Variants in BCAT2 observed in about 807,000 individuals in gnomAD.
BCAT2 encodes the protein branched chain amino acid transaminase 2.
A neutral mutation model predicts 52.9 loss-of-function variants in BCAT2; 44 were observed. The observed-to-expected ratio is 0.83, with a 90% CI of 0.65 to 1.07. The LOEUF is 1.07. Among genes scored for constraint, BCAT2 ranks in the 50% least tolerant of loss-of-function variants. The pLI is 0.00. For missense variants in BCAT2, 478 were observed against 521.8 expected (o/e 0.92, Z 0.82); for synonymous variants, 215 against 217.1 (o/e 0.99, Z 0.08).
At position 48,809,066 on chromosome 19, in the gene BCAT2, C is replaced by CAAAAAAAA. The variant is rs3057799; in HGVS notation, c.24+1910_24+1917dup. 1.2e-3 allele frequency among the ~76,000 whole-genome samples: 36 copies of CAAAAAAAA among 28,964 alleles called. 11 individuals are homozygous for CAAAAAAAA. Among genetic ancestry groups the CAAAAAAAA allele is most frequent in the Admixed American group, 9.0e-3 (13 of 1,452 alleles). The allele number at this position is 28,964 out of a possible 152,430, so 19.0% of individuals were successfully genotyped here. ...CCAGCATGAGTGATAGAGTGTCTCT[C>CAAAAAAAA]AAAAAAAAAAAAAAAAAAAAAAAAA... On this transcript the variant is annotated intron_variant, in intron 1 of 10. Coordinates refer to ENST00000316273, the MANE Select transcript of BCAT2 (RefSeq NM_001190.4).
intron 3 of BCAT2, among the ~76,000 whole-genome samples, chr19:48,803,662 A>G (rs1268764180): frequency 6.6e-6 from 1 of 152,108 alleles, no homozygotes; most frequent in African/African-American, 2.4e-5. Context: ...AGCCTGGGTA[A>G]CATGGTGAAA....
At chr19:48,796,807 A>G in intron 8 of BCAT2, 89 bp from the exon 9 acceptor site, 2 of 1,590,496 alleles carry the variant, frequency 1.3e-6, no homozygotes, top group Non-Finnish European at 1.7e-6. Flanking sequence ...AGTGAGAAAG[A>G]CAGAGGCCCA....
At chr19:48,810,551 A>G (rs2034896003) in intron 1 of BCAT2, among the ~76,000 whole-genome samples, 1 of 152,000 alleles carries the variant, frequency 6.6e-6, no homozygotes, top group African/African-American at 2.4e-5. Flanking sequence ...CTTGAGTCCA[A>G]TTCCCAGAGC....
intron 10 of BCAT2, 118 bp from the exon 11 acceptor site, chr19:48,795,582 TAGTCC>T (rs2034489433): frequency 1.7e-6 from 2 of 1,186,986 alleles, no homozygotes; most frequent in East Asian, 5.1e-5. Context: ...ACGGGAAATG[TAGTCC>T]ACTTCCCAGA....
At chr19:48,801,603 G>A (rs565069448) in intron 3 of BCAT2, among the ~76,000 whole-genome samples, 1 of 151,740 alleles carries the variant, frequency 6.6e-6, no homozygotes, top group East Asian at 1.9e-4. Context: ...AGCTATAGAA[G>A]GAAACAAAAA....
At position 48,800,018 on chromosome 19, in the gene BCAT2, G is replaced by A; in HGVS notation, c.494C>T (p.Thr165Ile). 1.2e-6 allele frequency: 2 copies of A among 1,613,538 alleles called. No homozygotes were observed. The highest frequency in any genetic ancestry group is 1.7e-6 in the Non-Finnish European group (2 of 1,179,876). ...DKDWVPDAAGTSLYVRPVLIG... is the reference protein window; with the variant it reads ...DKDWVPDAAGISLYVRPVLIG... ...GAGCACAGGCCGCACATAGAGGCTG[G>A]TGCCGGCGGCATCGGGGACCCAGTC... The change falls in exon 5 of 11, where the codon ACC becomes ATC. Residue 165 changes from threonine (T) to isoleucine (I), a missense_variant. By Grantham distance (89) the Thr-to-Ile change is moderately conservative. Coordinates refer to ENST00000316273, the MANE Select transcript of BCAT2 (RefSeq NM_001190.4).
intron 9 of BCAT2, 23 bp from the exon 10 acceptor site, chr19:48,796,525 G>A (rs774810496): frequency 6.8e-6 from 11 of 1,611,034 alleles, no homozygotes; most frequent in Middle Eastern, 3.3e-4. Context: ...GTGCGGTGAG[G>A]ACCAAGCCCC....
At chr19:48,797,134 G>T (rs779249601) in intron 7 of BCAT2, 57 bp downstream of exon 7, 14 of 1,608,498 alleles carry the variant, frequency 8.7e-6, no homozygotes, top group African/African-American at 1.3e-5. Flanking sequence ...AACCTGCCAG[G>T]AATGATGGTG....
In BCAT2 at chr19:48,807,211, C is replaced by G. The variant is rs2034808554; in HGVS notation, c.25-137G>C. The G allele has an allele frequency of 2.7e-6, 2 of 735,978 alleles. No individual in the cohort carries two copies. Among genetic ancestry groups the G allele is most frequent in the Non-Finnish European group, 4.4e-6 (2 of 455,604 alleles). 45.6% of individuals were successfully genotyped at this position (735,978 alleles called of 1,614,324 possible). The stretch of plus-strand genomic sequence containing the variant: ...CAGTTTCAGTCCATTCTAGACGGGG[C>G]AGGTGGTCCTGAAGGAGGCCAAGTC... On this transcript the variant is annotated intron_variant, in intron 1 of 10. Coordinates refer to ENST00000316273, the MANE Select transcript of BCAT2 (RefSeq NM_001190.4). This position sits in a 1 kb window ranked among gnomAD's most constrained non-coding sequence, Gnocchi z 4.6.
At chr19:48,801,825 C>T (rs945207576) in intron 3 of BCAT2, among the ~76,000 whole-genome samples, 2 of 151,884 alleles carry the variant, frequency 1.3e-5, no homozygotes, top group Admixed American at 6.6e-5. Flanking sequence ...TTGGTAGAGA[C>T]GGGGTTTCAC....
rs2034528651 is a variant in BCAT2, at chr19:48,796,674, C to G, written c.969G>C (p.Leu323Phe). 1 of 1,613,466 alleles carries G rather than the reference C, an allele frequency of 6.2e-7. No homozygotes were observed. The highest frequency in any genetic ancestry group is 1.3e-5 in the African/African-American group (1 of 74,946). ...VVERTITMKQLLRALEEGRVR... is the reference protein window; with the variant it reads ...VVERTITMKQFLRALEEGRVR... ...CGCGGCCCTCCTCCAGGGCCCGCAG[C>G]AACTGCTTCATGGTGATCGTGCGCT... Residue 323 changes from leucine (L) to phenylalanine (F), a missense_variant, in exon 9 of 11, where the codon TTG becomes TTC. Transcript: ENST00000316273.
At chr19:48,800,910 C>T (rs748059709) in intron 3 of BCAT2, among the ~76,000 whole-genome samples, 4 of 152,160 alleles carry the variant, frequency 2.6e-5, no homozygotes, top group Non-Finnish European at 4.4e-5. Flanking sequence ...ACCCTTGACA[C>T]GTTTACCAGA....
chr19:48,809,560 G>A (rs2034874105), intron 1 of BCAT2, among the ~76,000 whole-genome samples: 1 of 151,852 alleles, frequency 6.6e-6, no homozygotes, highest in African/African-American at 2.4e-5. Context: ...TCACAGACCA[G>A]GGCTGTTCTA....
intron 2 of BCAT2, 49 bp from the exon 3 acceptor site, chr19:48,806,766 G>A (rs761296109): frequency 6.3e-7 from 1 of 1,597,000 alleles, no homozygotes; most frequent in Non-Finnish European, 8.5e-7. Flanking sequence ...CCTCCCAGCT[G>A]AAAAACTACA....
rs749888579 is a variant in BCAT2, at chr19:48,797,264, C to A, written c.765G>T (p.Leu255=). 28 of 1,613,900 alleles carry A rather than the reference C, an allele frequency of 1.7e-5. No homozygotes were observed. In the Admixed American group the frequency reaches 4.5e-4, roughly 26 times the overall value. Residue 255 remains leucine, a synonymous_variant, in exon 7 of 11, where the codon CTG becomes CTT. Transcript: ENST00000316273. ...CGGTGAGCTGGTGGTCGGGCCCATA[C>A]AGCCAGAGGACCTGTTCACAGCCCC... ...LKRGCEQVLW[L]YGPDHQLTEV... is the part of the protein sequence containing the mutation.
rs1347941093 is a variant in BCAT2, at chr19:48,807,056, G to A, written c.43C>T (p.Leu15Phe). ...ALGQIWARKL[L>F]SVPWLLCGPR... ...CCACACAGAAGCCAAGGGACAGAGA[G>A]AAGCTTTCGTGCCCAGATCTGGGTG... Residue 15 changes from leucine (L) to phenylalanine (F), a missense_variant, in exon 2 of 11, where the codon CTC (leucine) becomes TTC (phenylalanine). By Grantham distance (22) the Leu-to-Phe change is conservative (BLOSUM62 0). Transcript: ENST00000316273. This position sits in a 1 kb window ranked among gnomAD's most constrained non-coding sequence, Gnocchi z 4.6. The A allele has an allele frequency of 6.2e-7, 1 of 1,614,036 alleles. No homozygotes were observed.
chr19:48,797,462 C>T (rs2034552991), intron 6 of BCAT2, 129 bp from the exon 7 acceptor site: 1 of 1,172,608 alleles, frequency 8.5e-7, no homozygotes, highest in Non-Finnish European at 1.2e-6. Context: ...CCCAGTTCCC[C>T]TGAGATGGAA....
At chr19:48,804,732 C>T (rs1028576478) in intron 3 of BCAT2, among the ~76,000 whole-genome samples, 1 of 152,096 alleles carries the variant, frequency 6.6e-6, no homozygotes, top group Admixed American at 6.6e-5. Context: ...GCTTCCTCTG[C>T]TCTCACTCAG....
chr19:48,797,225 C>T lies in BCAT2; in HGVS notation c.804G>A (p.Met268Ile). 6.2e-7 allele frequency: 1 copy of T among 1,613,888 alleles called. No homozygotes were observed. The highest frequency in any genetic ancestry group is 8.5e-7 in the Non-Finnish European group (1 of 1,179,890). The change falls in exon 7 of 11, where the codon ATG (methionine) becomes ATA (isoleucine). Residue 268 changes from methionine to isoleucine, a missense_variant. By Grantham distance (10) the Met-to-Ile change is conservative. Transcript: ENST00000316273. ...PDHQLTEVGTMNIFVYWTHED... is the reference protein window; with the variant it reads ...PDHQLTEVGTINIFVYWTHED... Reference sequence around the variant, plus strand: ...CGTGGGTCCAGTAGACAAAGATGTTCATGGTTCCCACCTCGGTGAGCTGGT... The same window carrying T: ...CGTGGGTCCAGTAGACAAAGATGTTTATGGTTCCCACCTCGGTGAGCTGGT...
Sources: allele counts gnomAD v4.1 joint callset (sites outside exome capture counted in the v4.1 genomes callset), GRCh38; gene constraint gnomAD v4.1.1; non-coding constraint Gnocchi (gnomAD v3.1); transcripts MANE v1.5; gene names NCBI Gene and HGNC (gene_info 2026-07-23, HGNC 2026-07-21).